CYTH1: variants seen among roughly 807,000 people sequenced by gnomAD.
CYTH1 encodes the protein cytohesin-1.
In CYTH1, 18 loss-of-function variants were observed where a neutral mutation model predicts 61.8. That is an observed-to-expected ratio of 0.29 (90% confidence interval 0.20 to 0.43). CYTH1 has a LOEUF of 0.43. CYTH1 is among the 20% of genes least tolerant of loss of function. The probability of loss-of-function intolerance (pLI) is 1.00; values close to 1 mark genes in which losing one functional copy is unlikely to be tolerated. For missense variants in CYTH1, 336 were observed against 510.5 expected (o/e 0.66, Z 3.29); for synonymous variants, 174 against 184.3 (o/e 0.94, Z 0.45).
intron 1 of CYTH1, among the ~76,000 whole-genome samples, chr17:78,718,609 A>G (rs1295764666): frequency 6.6e-6 from 1 of 152,114 alleles, no homozygotes; most frequent in African/African-American, 2.4e-5. Context: ...GCACTACCCT[A>G]TGGGTGTAAG....
intron 1 of CYTH1, among the ~76,000 whole-genome samples, chr17:78,724,573 G>C (rs987455234): frequency 2.6e-5 from 4 of 152,110 alleles, no homozygotes; most frequent in Admixed American, 2.6e-4. Flanking sequence ...CCACAACCAG[G>C]TTTGACAACC....
At chr17:78,725,365 T>C (rs1022242516) in intron 1 of CYTH1, among the ~76,000 whole-genome samples, 5 of 152,232 alleles carry the variant, frequency 3.3e-5, no homozygotes, top group African/African-American at 1.2e-4. Flanking sequence ...GCCTGGACTA[T>C]CCACGCTGGT....
chr17:78,754,056 A>AGG (rs1457526488), intron 1 of CYTH1, among the ~76,000 whole-genome samples: 1 of 151,928 alleles, frequency 6.6e-6, no homozygotes, highest in Non-Finnish European at 1.5e-5. Context: ...TGGAGTAGGG[A>AGG]GGGAGGGTCA....
intron 13 of CYTH1, chr17:78,677,644 C>T (rs1029443761): frequency 2.6e-5 from 4 of 152,454 alleles, no homozygotes; most frequent in Admixed American, 1.3e-4. Context: ...TCTACAGAAC[C>T]GAATGCTGGG....
intron 1 of CYTH1, among the ~76,000 whole-genome samples, chr17:78,740,120 G>C (rs1365218202): frequency 2.6e-5 from 4 of 152,160 alleles, no homozygotes; most frequent in Non-Finnish European, 4.4e-5. Flanking sequence ...ATTTTTAGTA[G>C]AGGCGGGGTT....
At chr17:78,695,879 G>A in intron 10 of CYTH1, 128 bp downstream of exon 10, 1 of 1,292,652 alleles carries the variant, frequency 7.7e-7, no homozygotes, top group South Asian at 1.2e-5. Flanking sequence ...TGTACAATAA[G>A]TTAGAAGCAG....
chr17:78,686,630 G>A (rs1475104552), intron 11 of CYTH1, among the ~76,000 whole-genome samples: 1 of 152,136 alleles, frequency 6.6e-6, no homozygotes, highest in Non-Finnish European at 1.5e-5. Flanking sequence ...CCAACGTCAG[G>A]GTTTGCTCCA....
chr17:78,712,648 C>T (rs563646674), intron 1 of CYTH1, among the ~76,000 whole-genome samples: 2 of 151,986 alleles, frequency 1.3e-5, no homozygotes, highest in Admixed American at 6.6e-5. Context: ...AAGAGCACAA[C>T]TCTGTCTCAA....
chr17:78,750,130 G>A (rs7223767), intron 1 of CYTH1, among the ~76,000 whole-genome samples: 4,140 of 152,240 alleles, frequency 0.027, 195 homozygotes, highest in African/African-American at 0.094. Flanking sequence ...ATCCAGGCAA[G>A]TAATTCAGTG....
intron 1 of CYTH1, among the ~76,000 whole-genome samples, chr17:78,720,706 C>A (rs1021381349): frequency 6.6e-6 from 1 of 152,180 alleles, no homozygotes; most frequent in Non-Finnish European, 1.5e-5. Context: ...AAAACCTCAT[C>A]TCTACAAAAA....
chr17:78,677,240 G>C (rs948103114), intron 13 of CYTH1: 1 of 378,680 alleles, frequency 2.6e-6, no homozygotes, highest in African/African-American at 2.1e-5. Flanking sequence ...GTGTTGGGGT[G>C]AATCTCCCTT....
intron 1 of CYTH1, among the ~76,000 whole-genome samples, chr17:78,762,932 G>A (rs942456632): frequency 6.6e-6 from 1 of 152,186 alleles, no homozygotes; most frequent in Non-Finnish European, 1.5e-5. Flanking sequence ...CAAACTGTAA[G>A]ATAATAATGT....
chr17:78,765,158 G>A (rs946775479), intron 1 of CYTH1, among the ~76,000 whole-genome samples: 3 of 152,250 alleles, frequency 2.0e-5, no homozygotes, highest in Non-Finnish European at 4.4e-5. Flanking sequence ...CATGAGCAGA[G>A]GGGCATGGGT....
chr17:78,725,687 C>T (rs182293753), intron 1 of CYTH1, among the ~76,000 whole-genome samples: 15 of 152,168 alleles, frequency 9.9e-5, no homozygotes, highest in Admixed American at 3.9e-4. Context: ...GGATCACAGC[C>T]GGGGTTTACC....
chr17:78,724,535 G>A (rs1026211838), intron 1 of CYTH1, among the ~76,000 whole-genome samples: 3 of 152,108 alleles, frequency 2.0e-5, no homozygotes, highest in Admixed American at 6.5e-5. Flanking sequence ...TACCCACTAG[G>A]TGCCAGCAGC....
intron 1 of CYTH1, among the ~76,000 whole-genome samples, chr17:78,777,151 C>T (rs1379107723): frequency 4.3e-5 from 6 of 138,836 alleles, no homozygotes; most frequent in South Asian, 2.3e-4. Flanking sequence ...TAAGGCCGGG[C>T]GCGGTGGCTC....
Position 78,709,640 on chromosome 17 carries a change from A to T in CYTH1, c.105+10T>A, listed in dbSNP as rs758353141. The stretch of plus-strand genomic sequence containing the variant: ...CTTACGTTGGTGAAACCACCATGCC[A>T]CTCTCCTACCTGAATGTCAGCCAGC... On this transcript the variant is annotated intron_variant, in intron 2 of 13. Transcript: ENST00000446868. The T allele has an allele frequency of 6.2e-7, 1 of 1,613,944 alleles. No homozygotes were observed. The highest frequency in any genetic ancestry group is 8.5e-7 in the Non-Finnish European group (1 of 1,179,944).
chr17:78,770,325 C>CA (rs34583082), intron 1 of CYTH1, among the ~76,000 whole-genome samples: 6,369 of 43,288 alleles, frequency 0.15, 373 homozygotes, highest in East Asian at 0.3. Context: ...TTCCCATCTC[C>CA]AAAAAAAAAA....
chr17:78,727,667 A>G (rs897099715), intron 1 of CYTH1: 17 of 470,944 alleles, frequency 3.6e-5, no homozygotes, highest in East Asian at 2.8e-4. Context: ...CCAGCAGGGC[A>G]AGGCTGGAGC....
Sources: gnomAD v4.1 joint callset for allele counts (sites outside exome capture counted in the v4.1 genomes callset) on GRCh38, gnomAD v4.1.1 for gene constraint, MANE v1.5 for transcripts, NCBI Gene and HGNC (gene_info 2026-07-23, HGNC 2026-07-21) for gene names.